PCBP3: variants seen among roughly 807,000 people sequenced by gnomAD.
PCBP3 encodes the protein poly(rC) binding protein 3.
Under a neutral mutation model 52.7 loss-of-function variants are expected in PCBP3, and 25 were observed. That is an observed-to-expected ratio of 0.47 (90% confidence interval 0.35 to 0.66). The LOEUF is 0.66. Among genes scored for constraint, PCBP3 ranks in the 30% least tolerant of loss-of-function variants. PCBP3 has a pLI of 0.01. For missense variants in PCBP3, 391 were observed against 490.3 expected, an observed-to-expected ratio of 0.80 and a Z score of 1.91; for synonymous variants, 162 against 183.0, an observed-to-expected ratio of 0.89 and a Z score of 0.93.
At chr21:45,678,465 C>T (rs1300131547) in intron 2 of PCBP3, among the ~76,000 whole-genome samples, 2 of 152,108 alleles carry the variant, frequency 1.3e-5, no homozygotes, top group African/African-American at 2.4e-5. Context: ...ATTTGTGACT[C>T]ATGGGAGGAG....
At chr21:45,707,984 C>G (rs1196099085) in intron 2 of PCBP3, among the ~76,000 whole-genome samples, 1 of 152,206 alleles carries the variant, frequency 6.6e-6, no homozygotes, top group Admixed American at 6.5e-5. Flanking sequence ...GGTCACTCCA[C>G]TGGTGTCAGG....
intron 1 of PCBP3, among the ~76,000 whole-genome samples, chr21:45,645,208 CGACT>C (rs2079175846): frequency 6.7e-6 from 1 of 149,784 alleles, no homozygotes; most frequent in African/African-American, 2.5e-5. Context: ...GTGCAGTGAC[CGACT>C]AACTGATGTC....
chr21:45,703,502 C>A (rs78874553), intron 2 of PCBP3, among the ~76,000 whole-genome samples: 11 of 152,278 alleles, frequency 7.2e-5, no homozygotes, highest in African/African-American at 2.6e-4. Context: ...TTGAGAGGAA[C>A]CTTTTTCTGG....
intron 2 of PCBP3, among the ~76,000 whole-genome samples, chr21:45,721,412 CA>C (rs34586187): frequency 0.69 from 65,875 of 95,032 alleles, 20,916 homozygotes; most frequent in East Asian, 0.76. Context: ...GACTCCATCT[CA>C]AAAAAAAAAA....
At chr21:45,762,507 T>TTTTTTTTTTTTTA (rs2088805207) in intron 4 of PCBP3, 3 of 147,088 alleles carry the variant, frequency 2.0e-5, no homozygotes, top group Admixed American at 6.8e-5. Context: ...TTTTTTTTTT[T>TTTTTTTTTTTTTA]GAGACAGAGT....
At chr21:45,937,466 A>G (rs2076999907) in intron 16 of PCBP3, among the ~76,000 whole-genome samples, 1 of 152,214 alleles carries the variant, frequency 6.6e-6, no homozygotes, top group East Asian at 1.9e-4. Context: ...CTGCAGAATC[A>G]GCCAGGCCTT....
At chr21:45,740,543 A>G (rs1225931367) in intron 3 of PCBP3, among the ~76,000 whole-genome samples, 2 of 152,126 alleles carry the variant, frequency 1.3e-5, no homozygotes, top group African/African-American at 4.8e-5. Flanking sequence ...TTGGAAGGCA[A>G]ATGGTCAGAG....
chr21:45,837,582 G>C lies in PCBP3; in HGVS notation c.-125-12379G>C, dbSNP rs374205256. ...TGTCTGCCTCTTGGGGGTAGCGGCTGTGTGGAATGCCTGCGTTCTGGATTT... is the reference window on the plus strand; with the variant it reads ...TGTCTGCCTCTTGGGGGTAGCGGCTCTGTGGAATGCCTGCGTTCTGGATTT... On this transcript the variant is annotated intron_variant, in intron 4 of 17. Coordinates refer to ENST00000681687, the MANE Select transcript of PCBP3 (RefSeq NM_001384156.1). This position sits in a 1 kb window ranked among gnomAD's most constrained non-coding sequence, Gnocchi z 4.1. 6.6e-6 allele frequency among the ~76,000 whole-genome samples: 1 copy of C among 152,230 alleles called. No homozygotes were observed. Among genetic ancestry groups the C allele is most frequent in the Admixed American group, 6.5e-5 (1 of 15,286 alleles).
chr21:45,727,610 G>T (rs1377434399), intron 2 of PCBP3, among the ~76,000 whole-genome samples: 1 of 152,202 alleles, frequency 6.6e-6, no homozygotes, highest in Non-Finnish European at 1.5e-5. Flanking sequence ...GTGGCACTTT[G>T]AATCATTTCA....
At position 45,910,897 on chromosome 21, in the gene PCBP3, T is replaced by C. The variant is rs1167350592; in HGVS notation, c.472-5T>C. Reference sequence around the variant, plus strand: ...GTGCTCCCTTCCAATGTCCCCTCTCTCCAGTCCACAGGTGCCCAGGTGCAG... The same window carrying C: ...GTGCTCCCTTCCAATGTCCCCTCTCCCCAGTCCACAGGTGCCCAGGTGCAG... On this transcript the variant is annotated splice_region_variant and splice_polypyrimidine_tract_variant and intron_variant, in intron 10 of 17. Transcript: ENST00000681687. 1.2e-6 allele frequency: 2 copies of C among 1,600,128 alleles called. No homozygotes were observed. The highest frequency in any genetic ancestry group is 1.7e-6 in the Non-Finnish European group (2 of 1,174,442).
chr21:45,716,626 A>C (rs1366355537), intron 2 of PCBP3, among the ~76,000 whole-genome samples: 1 of 152,102 alleles, frequency 6.6e-6, no homozygotes, highest in Non-Finnish European at 1.5e-5. Flanking sequence ...ATCTCATTTA[A>C]TCCTAATTAT....
At chr21:45,939,702 A>G (rs538608380) in intron 16 of PCBP3, among the ~76,000 whole-genome samples, 7 of 152,192 alleles carry the variant, frequency 4.6e-5, no homozygotes, top group Admixed American at 6.5e-5. Flanking sequence ...TCGCTCCTGG[A>G]CCCCGGGGTG....
In PCBP3 at chr21:45,920,462, G is replaced by A. The variant is rs923159674; in HGVS notation, c.717+2833G>A. On this transcript the variant is annotated intron_variant, in intron 13 of 17. Coordinates refer to ENST00000681687, the MANE Select transcript of PCBP3 (RefSeq NM_001384156.1). ...GCAGATTGTTTCAAATTAGTTTAAT[G>A]TATAACTAACTGTTAAGAGAACTGC... Among the ~76,000 whole-genome samples, 56 of 152,208 alleles carry A rather than the reference G, an allele frequency of 3.7e-4. 1 individual carries two copies. Among genetic ancestry groups the A allele is most frequent in the Admixed American group, 3.2e-3 (49 of 15,290 alleles).
intron 2 of PCBP3, among the ~76,000 whole-genome samples, chr21:45,687,165 A>G (rs912759392): frequency 1.3e-5 from 2 of 152,198 alleles, no homozygotes; most frequent in African/African-American, 4.8e-5. Flanking sequence ...TTAGCCAAAA[A>G]AGAAAAAAAC....
Position 45,778,818 on chromosome 21 carries a change from TTTGG to T in PCBP3, c.-126+23371_-126+23374del, listed in dbSNP as rs962696424. ...CCCAGTAGTGAGGGCAGGTACCAGC[TTTGG>T]TTGGCAGGGGTGGGTCGATCCTCAG... is the stretch of plus-strand genomic sequence containing the variant. On this transcript the variant is annotated intron_variant, in intron 4 of 17. Transcript: ENST00000681687. Among the ~76,000 whole-genome samples the T allele has an allele frequency of 1.4e-4, 21 of 152,200 alleles. 1 individual carries two copies. Among genetic ancestry groups the T allele is most frequent in the African/African-American group, 4.6e-4 (19 of 41,512 alleles).
chr21:45,923,031 C>T (rs192783317), intron 13 of PCBP3, among the ~76,000 whole-genome samples: 6 of 152,374 alleles, frequency 3.9e-5, no homozygotes, highest in East Asian at 3.9e-4. Context: ...GTGCTGGATG[C>T]GGCCCTTCAT....
In PCBP3 at chr21:45,643,742, C is replaced by A; in HGVS notation, c.-405C>A. On this transcript the variant is annotated 5_prime_UTR_variant, in exon 1 of 18. Coordinates refer to ENST00000681687, the MANE Select transcript of PCBP3 (RefSeq NM_001384156.1). The stretch of plus-strand genomic sequence containing the variant: ...CGACCGCCGCCTCAGCCGCCTCAGC[C>A]GCGGTCGCCGCCGCTTCGGCTGACT... 1 of 148,724 alleles carries A rather than the reference C, an allele frequency of 6.7e-6. No homozygotes were observed. Among genetic ancestry groups the A allele is most frequent in the South Asian group, 2.1e-4 (1 of 4,872 alleles). 9.2% of individuals were successfully genotyped at this position (148,724 alleles called of 1,614,324 possible).
chr21:45,874,129 G>A (rs897492695), intron 5 of PCBP3, among the ~76,000 whole-genome samples: 4 of 152,114 alleles, frequency 2.6e-5, no homozygotes, highest in East Asian at 1.9e-4. Context: ...CGCCCGGCCC[G>A]CTTGTCTATT....
intron 2 of PCBP3, among the ~76,000 whole-genome samples, chr21:45,672,951 A>G (rs1603230660): frequency 6.6e-6 from 1 of 152,142 alleles, no homozygotes; most frequent in South Asian, 2.1e-4. Flanking sequence ...AGTGACCTAG[A>G]CAGTTGGCAT....
Sources: gnomAD v4.1 joint callset for allele counts (sites outside exome capture counted in the v4.1 genomes callset) on GRCh38, gnomAD v4.1.1 for gene constraint, Gnocchi (gnomAD v3.1) non-coding constraint, MANE v1.5 for transcripts, NCBI Gene and HGNC (gene_info 2026-07-23, HGNC 2026-07-21) for gene names.